The following RAPGEF4 variants were observed in gnomAD, a reference collection of about 807,000 sequenced individuals.
RAPGEF4 encodes Rap guanine nucleotide exchange factor 4.
A neutral mutation model predicts 147.9 loss-of-function variants in RAPGEF4; 66 were observed. The ratio of observed to expected loss-of-function variants is 0.45; its 90% CI spans 0.37 to 0.55. RAPGEF4 has a LOEUF of 0.55. Among genes scored for constraint, RAPGEF4 ranks in the 20% least tolerant of loss-of-function variants. The pLI is 0.00. For missense variants in RAPGEF4, 1,071 were observed against 1,257.3 expected, an observed-to-expected ratio of 0.85 and a Z score of 2.24; for synonymous variants, 419 against 442.7, an observed-to-expected ratio of 0.95 and a Z score of 0.67.
chr2:172,905,767 C>G (rs555290114), intron 4 of RAPGEF4, among the ~76,000 whole-genome samples: 44 of 152,270 alleles, frequency 2.9e-4, no homozygotes, highest in African/African-American at 1.0e-3. Flanking sequence ...ATTTTGCTTC[C>G]ACGTAGAAAT....
intron 4 of RAPGEF4, among the ~76,000 whole-genome samples, chr2:172,819,500 C>G (rs1234658158): frequency 8.8e-6 from 1 of 113,848 alleles, no homozygotes; most frequent in Non-Finnish European, 1.7e-5. Flanking sequence ...GAGTCTCGCT[C>G]TGTCGCCCAG....
intron 6 of RAPGEF4, among the ~76,000 whole-genome samples, chr2:172,932,537 T>A (rs1686101007): frequency 6.6e-6 from 1 of 152,260 alleles, no homozygotes; most frequent in Non-Finnish European, 1.5e-5. Context: ...TTATATTATT[T>A]CCTTTTGTTG....
At chr2:172,972,549 C>T in intron 10 of RAPGEF4, among the ~76,000 whole-genome samples, 1 of 152,198 alleles carries the variant, frequency 6.6e-6, no homozygotes, top group East Asian at 1.9e-4. Context: ...TTGGTCTTTA[C>T]TGGAAAGATT....
At chr2:172,771,361 C>T (rs1403412678) in intron 1 of RAPGEF4, among the ~76,000 whole-genome samples, 1 of 151,394 alleles carries the variant, frequency 6.6e-6, no homozygotes, top group Non-Finnish European at 1.5e-5. Context: ...GTTAGGATTT[C>T]AACATATGAA....
At chr2:172,816,718 G>A (rs958663405) in intron 4 of RAPGEF4, among the ~76,000 whole-genome samples, 1 of 152,176 alleles carries the variant, frequency 6.6e-6, no homozygotes, top group Non-Finnish European at 1.5e-5. Flanking sequence ...CATGATTTGT[G>A]ATCTCCCTTG....
At chr2:172,950,891 A>G (rs1226244142) in intron 6 of RAPGEF4, among the ~76,000 whole-genome samples, 1 of 152,262 alleles carries the variant, frequency 6.6e-6, no homozygotes, top group African/African-American at 2.4e-5. Flanking sequence ...AGTAAGGATT[A>G]TGAAGTTATG....
At chr2:172,969,167 G>C (rs183772261) in intron 10 of RAPGEF4, among the ~76,000 whole-genome samples, 203 of 152,338 alleles carry the variant, frequency 1.3e-3, no homozygotes, top group Non-Finnish European at 1.5e-3. Flanking sequence ...AAATATTGCA[G>C]TCAACCATGA....
intron 1 of RAPGEF4, among the ~76,000 whole-genome samples, chr2:172,769,059 T>C (rs113397447): frequency 1.1e-4 from 16 of 152,218 alleles, no homozygotes; most frequent in African/African-American, 3.6e-4. Context: ...CAAATCATGA[T>C]ATGGTGGAAG....
At chr2:172,982,085 T>C (rs189552228) in intron 10 of RAPGEF4, among the ~76,000 whole-genome samples, 2 of 152,214 alleles carry the variant, frequency 1.3e-5, no homozygotes, top group Non-Finnish European at 1.5e-5. Context: ...ACTAAGACTT[T>C]GATGTCACAT....
chr2:172,934,147 C>CTTTTTTTT (rs5836396), intron 6 of RAPGEF4, among the ~76,000 whole-genome samples: 4 of 99,134 alleles, frequency 4.0e-5, no homozygotes, highest in Admixed American at 1.4e-4. Flanking sequence ...TTATTTAATC[C>CTTTTTTTT]TTTTTTTTTT....
At chr2:172,864,828 C>T (rs974868798) in intron 4 of RAPGEF4, among the ~76,000 whole-genome samples, 1 of 152,222 alleles carries the variant, frequency 6.6e-6, no homozygotes, top group African/African-American at 2.4e-5. Flanking sequence ...TTGCTTGAAC[C>T]TGGGAGATAG....
intron 1 of RAPGEF4, among the ~76,000 whole-genome samples, chr2:172,783,646 A>G (rs1684899843): frequency 6.6e-6 from 1 of 152,056 alleles, no homozygotes; most frequent in African/African-American, 2.4e-5. Flanking sequence ...CTCAGCCGAG[A>G]GAGAACTTGG....
At position 173,026,706 on chromosome 2, in the gene RAPGEF4, C is replaced by G; in HGVS notation, c.2379+9C>G. ...TCAACTGCGTGCATGAGGTAAGATG[C>G]AGGATCAGATGTGTTAGTAGCTGAG... On this transcript the variant is annotated intron_variant, in intron 24 of 30. Coordinates refer to ENST00000397081, the MANE Select transcript of RAPGEF4 (RefSeq NM_007023.4). 6.2e-7 allele frequency: 1 copy of G among 1,612,992 alleles called. No homozygotes were observed. Among genetic ancestry groups the G allele is most frequent in the South Asian group, 1.1e-5 (1 of 90,734 alleles).
intron 15 of RAPGEF4, 55 bp downstream of exon 15, chr2:172,990,980 G>A: frequency 7.6e-7 from 1 of 1,310,414 alleles, no homozygotes. Context: ...TTTTCACATG[G>A]TATCATCATT....
chr2:172,821,923 C>A (rs779780313), intron 4 of RAPGEF4: 1 of 1,613,266 alleles, frequency 6.2e-7, no homozygotes, highest in Non-Finnish European at 8.5e-7. Flanking sequence ...TAGATGCTCA[C>A]TGGATGTCTG....
At chr2:172,983,643 A>G in intron 11 of RAPGEF4, 63 bp downstream of exon 11, 1 of 1,596,614 alleles carries the variant, frequency 6.3e-7, no homozygotes, top group Non-Finnish European at 8.5e-7. Flanking sequence ...GTTAGGACAG[A>G]GGAGAGTATT....
rs537230414 is a variant in RAPGEF4 at position 172,884,304 on chromosome 2, G to A, written c.445-33498G>A. 1.4e-4 allele frequency among the ~76,000 whole-genome samples: 22 copies of A among 152,316 alleles called. No homozygotes were observed. The South Asian group carries it at 4.1e-3, about 29-fold the overall frequency. ...TCATGTTGACCTTGGACTGTAATTT[G>A]GATAACCAACAGTTTTATTCCCTAT... On this transcript the variant is annotated intron_variant, in intron 4 of 30. Transcript: ENST00000397081.
At chr2:172,860,295 C>CTG in intron 4 of RAPGEF4, 1 of 985,412 alleles carries the variant, frequency 1.0e-6, no homozygotes, top group Middle Eastern at 5.2e-4. Flanking sequence ...GGAGAAGTGT[C>CTG]TGGTGTAAGT....
At position 173,007,413 on chromosome 2, in the gene RAPGEF4, C is replaced by G. The variant is rs376408029; in HGVS notation, c.1658+6069C>G. Among the ~76,000 whole-genome samples, 21 of 152,298 alleles carry G rather than the reference C, an allele frequency of 1.4e-4. 1 individual carries two copies. Among genetic ancestry groups the G allele is most frequent in the African/African-American group, 4.6e-4 (19 of 41,570 alleles). Reference sequence around the variant, plus strand: ...AGGTACACACAAACAAAGGAGCAGCCTGTGTGGATAGGAGTAACATCACAG... The same window carrying G: ...AGGTACACACAAACAAAGGAGCAGCGTGTGTGGATAGGAGTAACATCACAG... On this transcript the variant is annotated intron_variant, in intron 17 of 30. Transcript: ENST00000397081.
Sources: allele counts gnomAD v4.1 joint callset (sites outside exome capture counted in the v4.1 genomes callset), GRCh38; gene constraint gnomAD v4.1.1; transcripts MANE v1.5; gene names NCBI Gene and HGNC (gene_info 2026-07-23, HGNC 2026-07-21).